The following AGK variants were observed in gnomAD, a reference collection of about 807,000 sequenced individuals.
The protein encoded by AGK is acylglycerol kinase, mitochondrial.
Under a neutral mutation model 66.4 loss-of-function variants are expected in AGK, and 52 were observed. The ratio of observed to expected loss-of-function variants is 0.78; its 90% confidence interval spans 0.63 to 0.99. The LOEUF (loss-of-function observed/expected upper bound fraction) is 0.99. Ranked by LOEUF, AGK falls within the 50% of genes least tolerant of loss-of-function variation. The probability of loss-of-function intolerance (pLI) is 0.00; values close to 1 mark genes in which losing one functional copy is unlikely to be tolerated. For synonymous variants in AGK, 182 were observed against 181.1 expected (o/e 1.00, Z -0.04); for missense variants, 451 against 506.6 (o/e 0.89, Z 1.05).
At chr7:141,575,094 G>A (rs1179739352) in intron 2 of AGK, among the ~76,000 whole-genome samples, 1 of 152,236 alleles carries the variant, frequency 6.6e-6, no homozygotes, top group African/African-American at 2.4e-5. Context: ...AATCACTATA[G>A]TGATAAATCA....
intron 1 of AGK, among the ~76,000 whole-genome samples, chr7:141,554,120 G>A (rs1795158035): frequency 6.6e-6 from 1 of 152,034 alleles, no homozygotes; most frequent in Non-Finnish European, 1.5e-5. Context: ...CGGGAGGATT[G>A]CTTGAGGCCA....
chr7:141,640,881 T>C (rs1797272175), intron 11 of AGK, among the ~76,000 whole-genome samples: 1 of 152,194 alleles, frequency 6.6e-6, no homozygotes, highest in Non-Finnish European at 1.5e-5. Context: ...GGTAGGTACT[T>C]GATGCAACTG....
chr7:141,629,140 CCTT>C (rs1467821943), intron 9 of AGK, among the ~76,000 whole-genome samples: 2 of 152,106 alleles, frequency 1.3e-5, no homozygotes, highest in African/African-American at 2.4e-5. Context: ...CTTTAGAACA[CCTT>C]CTACTTTGTT....
intron 2 of AGK, among the ~76,000 whole-genome samples, chr7:141,564,648 G>A (rs942313963): frequency 1.3e-5 from 2 of 152,086 alleles, no homozygotes; most frequent in East Asian, 3.8e-4. Context: ...GACTCTCCTC[G>A]AAATGCTTCA....
intron 2 of AGK, among the ~76,000 whole-genome samples, chr7:141,569,910 A>G (rs1470523878): frequency 1.3e-5 from 2 of 152,194 alleles, no homozygotes; most frequent in Non-Finnish European, 2.9e-5. Flanking sequence ...GTTATACCAC[A>G]ATGCTTCAGA....
intron 2 of AGK, among the ~76,000 whole-genome samples, chr7:141,570,884 C>G (rs1587072692): frequency 6.6e-6 from 1 of 152,226 alleles, no homozygotes; most frequent in East Asian, 1.9e-4. Flanking sequence ...GAGTTTCTGT[C>G]TCTTAAGTCT....
intron 5 of AGK, among the ~76,000 whole-genome samples, chr7:141,609,989 G>C (rs768030272): frequency 6.7e-6 from 1 of 149,028 alleles, no homozygotes; most frequent in Non-Finnish European, 1.5e-5. Flanking sequence ...TTTTTCCTGA[G>C]ACAGAGTCTT....
At chr7:141,651,128 A>AT (rs1173133823) in intron 14 of AGK, among the ~76,000 whole-genome samples, 2 of 152,234 alleles carry the variant, frequency 1.3e-5, no homozygotes, top group Non-Finnish European at 2.9e-5. Flanking sequence ...AAGTAAAAAT[A>AT]TTTTATCCTT....
At chr7:141,633,320 C>G (rs1797098116) in intron 9 of AGK, among the ~76,000 whole-genome samples, 1 of 152,134 alleles carries the variant, frequency 6.6e-6, no homozygotes, top group Non-Finnish European at 1.5e-5. Context: ...TGCATTTTTT[C>G]TATATATTGC....
intron 2 of AGK, among the ~76,000 whole-genome samples, chr7:141,568,431 C>G (rs931492317): frequency 6.6e-6 from 1 of 152,280 alleles, no homozygotes; most frequent in African/African-American, 2.4e-5. Context: ...AACTAACTCC[C>G]TTGGCTGAGC....
intron 14 of AGK, chr7:141,650,346 T>A (rs1167776888): frequency 2.2e-5 from 4 of 182,276 alleles, no homozygotes; most frequent in African/African-American, 9.5e-5. Context: ...CCAGCAATAT[T>A]CAAATCTCCT....
At chr7:141,571,612 T>G (rs567914993) in intron 2 of AGK, among the ~76,000 whole-genome samples, 6 of 152,220 alleles carry the variant, frequency 3.9e-5, no homozygotes, top group Non-Finnish European at 8.8e-5. Context: ...GATCCTCATG[T>G]GATCAGCTTG....
At chr7:141,595,501 A>G (rs1051928902) in intron 3 of AGK, among the ~76,000 whole-genome samples, 1 of 152,242 alleles carries the variant, frequency 6.6e-6, no homozygotes, top group African/African-American at 2.4e-5. Flanking sequence ...CAAGCAATAG[A>G]CAATAATAAG....
intron 13 of AGK, among the ~76,000 whole-genome samples, chr7:141,645,781 T>G (rs1797397185): frequency 6.6e-6 from 1 of 152,200 alleles, no homozygotes; most frequent in African/African-American, 2.4e-5. Flanking sequence ...TCAAGTACTC[T>G]TCCAGCATCT....
chr7:141,625,257 A>G (rs553827523), intron 9 of AGK, among the ~76,000 whole-genome samples: 1 of 152,342 alleles, frequency 6.6e-6, no homozygotes, highest in South Asian at 2.1e-4. Context: ...TGCAGTGGTC[A>G]GGAACCGAAC....
intron 7 of AGK, 104 bp downstream of exon 7, chr7:141,614,282 T>C: frequency 1.2e-6 from 1 of 816,162 alleles, no homozygotes; most frequent in South Asian, 2.2e-5. Flanking sequence ...TTAAAACGGG[T>C]ACAAATTGTG....
chr7:141,596,460 C>T, intron 3 of AGK, 102 bp from the exon 4 acceptor site: 1 of 993,850 alleles, frequency 1.0e-6, no homozygotes, highest in South Asian at 1.4e-5. Flanking sequence ...AGGGTAGATA[C>T]CTTATGTGCT....
At chr7:141,616,790 G>A (rs551809450) in intron 8 of AGK, among the ~76,000 whole-genome samples, 5 of 138,484 alleles carry the variant, frequency 3.6e-5, no homozygotes, top group South Asian at 4.5e-4. Flanking sequence ...ACAGAGTCTC[G>A]CTCTGTAGCC....
chr7:141,637,112 G>C, intron 11 of AGK, 95 bp downstream of exon 11: 1 of 951,516 alleles, frequency 1.1e-6, no homozygotes, highest in East Asian at 2.5e-5. Context: ...CCTTGCTACA[G>C]ATGAATGTGG....
Sources: allele counts gnomAD v4.1 joint callset (sites outside exome capture counted in the v4.1 genomes callset), GRCh38; gene constraint gnomAD v4.1.1; transcripts MANE v1.5; gene names NCBI Gene and HGNC (gene_info 2026-07-23, HGNC 2026-07-21).